Variants in GABRG1 observed in about 807,000 individuals in gnomAD.
GABRG1 encodes the protein gamma-aminobutyric acid type A receptor subunit gamma1.
In GABRG1, 49 loss-of-function variants were observed where a neutral mutation model predicts 49.8. The ratio of observed to expected loss-of-function variants is 0.98; its 90% CI spans 0.78 to 1.25. The LOEUF (loss-of-function observed/expected upper bound fraction) is 1.25, where lower values mean the gene tolerates loss of function less well. Ranked by LOEUF, GABRG1 falls within the 50% of genes most tolerant of loss-of-function variation. GABRG1 has a pLI of 0.00. For missense variants in GABRG1, 552 were observed against 552.3 expected (o/e 1.00, Z 0.01); for synonymous variants, 232 against 185.1 (o/e 1.25, Z -2.06).
At chr4:46,064,611 T>C in intron 4 of GABRG1, 88 bp from the exon 5 acceptor site, 1 of 612,756 alleles carries the variant, frequency 1.6e-6, no homozygotes, top group South Asian at 2.9e-5. Flanking sequence ...CAAGATTTTG[T>C]CATATGATAA....
At chr4:46,092,460 G>A (rs1720023290) in intron 2 of GABRG1, among the ~76,000 whole-genome samples, 1 of 151,830 alleles carries the variant, frequency 6.6e-6, no homozygotes, top group Admixed American at 6.6e-5. Context: ...ACAATGCAAT[G>A]ATAGAAGGAT....
chr4:46,100,686 G>A (rs1180592450), intron 1 of GABRG1, among the ~76,000 whole-genome samples: 2 of 124,422 alleles, frequency 1.6e-5, no homozygotes, highest in African/African-American at 5.9e-5. Context: ...AATAATGATT[G>A]CAATCAAATG....
chr4:46,063,738 C>G (rs541762994), intron 5 of GABRG1, among the ~76,000 whole-genome samples: 1 of 152,198 alleles, frequency 6.6e-6, no homozygotes, highest in Non-Finnish European at 1.5e-5. Context: ...TCAGAGTGAA[C>G]AGGCAACCTA....
At chr4:46,091,162 A>T (rs1577659024) in intron 2 of GABRG1, among the ~76,000 whole-genome samples, 1 of 152,196 alleles carries the variant, frequency 6.6e-6, no homozygotes, top group East Asian at 1.9e-4. Flanking sequence ...CAAAGGAGAG[A>T]GGATCCTGGT....
intron 8 of GABRG1, among the ~76,000 whole-genome samples, chr4:46,044,689 G>A (rs1717920510): frequency 6.6e-6 from 1 of 152,060 alleles, no homozygotes; most frequent in African/African-American, 2.4e-5. Flanking sequence ...TATAAGGAAG[G>A]AAGAATGGGA....
intron 8 of GABRG1, among the ~76,000 whole-genome samples, chr4:46,046,966 C>T (rs1419083387): frequency 6.6e-6 from 1 of 152,052 alleles, no homozygotes; most frequent in Admixed American, 6.6e-5. Context: ...TGGCCATAAA[C>T]CACTCTTCTA....
At chr4:46,109,445 A>T (rs1720654007) in intron 1 of GABRG1, among the ~76,000 whole-genome samples, 1 of 150,590 alleles carries the variant, frequency 6.6e-6, no homozygotes, top group Non-Finnish European at 1.5e-5. Context: ...TCAGTCCATC[A>T]ATCTTGTTTA....
chr4:46,112,373 T>C (rs1277786976), intron 1 of GABRG1, among the ~76,000 whole-genome samples: 1 of 151,424 alleles, frequency 6.6e-6, no homozygotes, highest in African/African-American at 2.4e-5. Flanking sequence ...GAAATGCTTA[T>C]ACACTGTTGA....
chr4:46,038,526 T>G lies in GABRG1; in HGVS notation c.*2462A>C, dbSNP rs1717620612. 1.3e-5 allele frequency: 2 copies of G among 151,568 alleles called. No individual in the cohort carries two copies. Among genetic ancestry groups the G allele is most frequent in the South Asian group, 4.2e-4 (2 of 4,818 alleles). The allele number at this position is 151,568 out of a possible 1,614,324, so 9.4% of individuals were successfully genotyped here. ...TTCCAATAAATTCAATAAATTATTA[T>G]ATAACTCCCCAGAGAAAGAGGAAGA... On this transcript the variant is annotated 3_prime_UTR_variant, in exon 9 of 9. Transcript: ENST00000295452.
chr4:46,064,393 C>T, intron 5 of GABRG1, 48 bp downstream of exon 5: 1 of 985,958 alleles, frequency 1.0e-6, no homozygotes, highest in South Asian at 1.6e-5. Flanking sequence ...AAATAAACAG[C>T]TTCTAAGGTT....
intron 1 of GABRG1, among the ~76,000 whole-genome samples, chr4:46,116,756 A>G (rs1720900206): frequency 6.6e-6 from 1 of 150,836 alleles, no homozygotes; most frequent in Non-Finnish European, 1.5e-5. Context: ...TTGGAAATGA[A>G]TTGTTACTAA....
intron 3 of GABRG1, among the ~76,000 whole-genome samples, chr4:46,071,568 G>A (rs534006136): frequency 8.6e-5 from 13 of 151,618 alleles, no homozygotes; most frequent in East Asian, 5.8e-4. Flanking sequence ...TCCAGACGAC[G>A]TATTGTTATC....
intron 8 of GABRG1, among the ~76,000 whole-genome samples, chr4:46,049,808 T>G (rs1718144193): frequency 6.6e-6 from 1 of 151,914 alleles, no homozygotes; most frequent in African/African-American, 2.4e-5. Context: ...GTACATGATC[T>G]GCGGTCAAAC....
At chr4:46,050,951 A>G (rs983967651) in intron 8 of GABRG1, among the ~76,000 whole-genome samples, 1 of 151,936 alleles carries the variant, frequency 6.6e-6, no homozygotes, top group Non-Finnish European at 1.5e-5. Context: ...TTGATGTGAT[A>G]TAAGTTAAGG....
chr4:46,093,768 G>T (rs572837628), intron 2 of GABRG1, among the ~76,000 whole-genome samples: 23 of 151,668 alleles, frequency 1.5e-4, no homozygotes, highest in African/African-American at 5.6e-4. Flanking sequence ...TTTAAAAAAG[G>T]AGACAAAACA....
rs1264174892 is a variant in GABRG1 at position 46,050,641 on chromosome 4, T to C, written c.1131+783A>G. ...TTTTTTAAGCCCTGTGAGAACAGGATATATAAAGGAAGGGTCACACGCTTG... is the reference window on the plus strand; with the variant it reads ...TTTTTTAAGCCCTGTGAGAACAGGACATATAAAGGAAGGGTCACACGCTTG... On this transcript the variant is annotated intron_variant, in intron 8 of 8. Coordinates refer to ENST00000295452, the MANE Select transcript of GABRG1 (RefSeq NM_173536.4). Among the ~76,000 whole-genome samples the C allele has an allele frequency of 7.9e-5, 12 of 151,756 alleles. No homozygotes were observed. The Admixed American group carries it at 7.9e-4, about 10-fold the overall frequency.
At chr4:46,084,098 A>G (rs1719668638) in intron 2 of GABRG1, 45 bp from the exon 3 acceptor site, 4 of 1,042,840 alleles carry the variant, frequency 3.8e-6, no homozygotes, top group Non-Finnish European at 5.7e-6. Flanking sequence ...ATGATTAGAC[A>G]TTGTTTTAAA....
chr4:46,104,388 T>G (rs1263490443), intron 1 of GABRG1, among the ~76,000 whole-genome samples: 1 of 151,534 alleles, frequency 6.6e-6, no homozygotes, highest in Non-Finnish European at 1.5e-5. Context: ...TTATAAATGT[T>G]AAGATGAATT....
chr4:46,090,949 C>G (rs13103270), intron 2 of GABRG1, among the ~76,000 whole-genome samples: 13,713 of 137,508 alleles, frequency 0.1, 1,365 homozygotes, highest in African/African-American at 0.27. Context: ...CACACACACA[C>G]ACACATACAC....
Sources: gnomAD v4.1 joint callset for allele counts (sites outside exome capture counted in the v4.1 genomes callset) on GRCh38, gnomAD v4.1.1 for gene constraint, MANE v1.5 for transcripts, NCBI Gene and HGNC (gene_info 2026-07-23, HGNC 2026-07-21) for gene names.